Variants in DDX10 observed in about 807,000 individuals in gnomAD.
The protein encoded by DDX10 is probable ATP-dependent RNA helicase DDX10.
DDX10 carries 74 observed loss-of-function variants against 104.3 expected under a neutral mutation model. The ratio of observed to expected loss-of-function variants is 0.71; its 90% CI spans 0.59 to 0.86. The LOEUF (loss-of-function observed/expected upper bound fraction) is 0.86, where lower values mean the gene tolerates loss of function less well. Among genes scored for constraint, DDX10 ranks in the 40% least tolerant of loss-of-function variants. DDX10 has a pLI of 0.00. For missense variants in DDX10, 952 were observed against 1,040.0 expected, an observed-to-expected ratio of 0.92 and a Z score of 1.16; for synonymous variants, 351 against 353.4, an observed-to-expected ratio of 0.99 and a Z score of 0.08.
At chr11:108,814,194 C>A (rs1862224383) in intron 13 of DDX10, among the ~76,000 whole-genome samples, 1 of 152,148 alleles carries the variant, frequency 6.6e-6, no homozygotes. Context: ...ATGGCATAGA[C>A]ATAGGCTAAG....
chr11:108,775,402 C>T (rs964766680), intron 13 of DDX10, among the ~76,000 whole-genome samples: 3 of 152,078 alleles, frequency 2.0e-5, no homozygotes, highest in African/African-American at 4.8e-5. Flanking sequence ...GTGATATACC[C>T]GTCTGTTCAA....
intron 16 of DDX10, among the ~76,000 whole-genome samples, chr11:108,915,750 T>C (rs1417740958): frequency 6.6e-6 from 1 of 152,116 alleles, no homozygotes; most frequent in African/African-American, 2.4e-5. Flanking sequence ...CAACGTTTGT[T>C]ATGGAATGAA....
intron 13 of DDX10, among the ~76,000 whole-genome samples, chr11:108,738,621 C>T (rs759128322): frequency 6.6e-5 from 10 of 152,058 alleles, no homozygotes; most frequent in Non-Finnish European, 1.3e-4. Flanking sequence ...GTATGGCATA[C>T]CCAGTTACTC....
At chr11:108,823,933 G>A (rs1862360638) in intron 13 of DDX10, among the ~76,000 whole-genome samples, 1 of 152,188 alleles carries the variant, frequency 6.6e-6, no homozygotes, top group Non-Finnish European at 1.5e-5. Flanking sequence ...TTCTTGCTGA[G>A]TCTCTGGTAT....
At chr11:108,770,129 T>C (rs1384757711) in intron 13 of DDX10, among the ~76,000 whole-genome samples, 1 of 152,190 alleles carries the variant, frequency 6.6e-6, no homozygotes, top group Non-Finnish European at 1.5e-5. Context: ...GGAGTGTTTT[T>C]ATTTATTTAT....
intron 16 of DDX10, among the ~76,000 whole-genome samples, chr11:108,900,578 A>G (rs1034087888): frequency 2.6e-5 from 4 of 152,206 alleles, no homozygotes; most frequent in African/African-American, 9.7e-5. Context: ...TTAGTTATTA[A>G]TACCATTTTA....
intron 17 of DDX10, among the ~76,000 whole-genome samples, chr11:108,929,862 A>C (rs1015910286): frequency 2.0e-5 from 3 of 152,194 alleles, no homozygotes; most frequent in African/African-American, 4.8e-5. Context: ...CTTTCTGCCT[A>C]GGAATTTTAG....
chr11:108,936,433 G>C (rs1163395800), intron 17 of DDX10, among the ~76,000 whole-genome samples: 1 of 152,010 alleles, frequency 6.6e-6, no homozygotes, highest in East Asian at 1.9e-4. Flanking sequence ...TAGCTACCCA[G>C]AACTTCAAAT....
chr11:108,898,109 G>T (rs2134645801), intron 16 of DDX10, among the ~76,000 whole-genome samples: 1 of 152,240 alleles, frequency 6.6e-6, no homozygotes, highest in African/African-American at 2.4e-5. Context: ...TGTATATACA[G>T]TGCCTCCAGT....
At chr11:108,778,032 G>A (rs2094372453) in intron 13 of DDX10, among the ~76,000 whole-genome samples, 1 of 152,092 alleles carries the variant, frequency 6.6e-6, no homozygotes, top group South Asian at 2.1e-4. Flanking sequence ...CCACTGCTCA[G>A]CAAAATAAAA....
chr11:108,748,388 C>G (rs1565266545), intron 13 of DDX10, among the ~76,000 whole-genome samples: 1 of 152,194 alleles, frequency 6.6e-6, no homozygotes, highest in East Asian at 1.9e-4. Flanking sequence ...AATCAATAGA[C>G]ATTGAGACAT....
chr11:108,683,883 G>T (rs1466882877), intron 6 of DDX10, among the ~76,000 whole-genome samples: 1 of 152,064 alleles, frequency 6.6e-6, no homozygotes, highest in African/African-American at 2.4e-5. Flanking sequence ...TTGGTGGGGG[G>T]TGGAGGTTGT....
intron 16 of DDX10, among the ~76,000 whole-genome samples, chr11:108,856,497 A>T (rs1244866917): frequency 6.6e-6 from 1 of 151,832 alleles, no homozygotes; most frequent in African/African-American, 2.4e-5. Context: ...ACAAAAAAAA[A>T]ACCTTAAAAA....
intron 16 of DDX10, among the ~76,000 whole-genome samples, chr11:108,914,497 C>T (rs1277041439): frequency 1.3e-5 from 2 of 152,150 alleles, no homozygotes; most frequent in Non-Finnish European, 1.5e-5. Context: ...CAGATATAAG[C>T]AGCTCCTTAC....
chr11:108,874,190 G>A (rs896379081), intron 16 of DDX10, among the ~76,000 whole-genome samples: 25 of 152,146 alleles, frequency 1.6e-4, no homozygotes, highest in African/African-American at 2.4e-4. Flanking sequence ...AAAAAATACC[G>A]TGTGTGATGA....
At position 108,910,831 on chromosome 11, in the gene DDX10, TA is replaced by T. The variant is rs754951646; in HGVS notation, c.2305-7041del. 1.7e-4 allele frequency among the ~76,000 whole-genome samples: 25 copies of T among 149,440 alleles called. No individual in the cohort carries two copies. In the Middle Eastern group the frequency reaches 0.01, roughly 63 times the overall value. The stretch of plus-strand genomic sequence containing the variant: ...TCTGTGTGTGTCTGTATGAGGATGA[TA>T]GGGGGTTCTTGTTTTGAGCAGGCTG... On this transcript the variant is annotated intron_variant, in intron 16 of 17. Transcript: ENST00000322536.
chr11:108,697,399 T>C (rs1346136875), intron 9 of DDX10, among the ~76,000 whole-genome samples: 5 of 152,162 alleles, frequency 3.3e-5, no homozygotes, highest in East Asian at 1.9e-4. Flanking sequence ...AGTTGCCAGA[T>C]AGTGTTTGCT....
At chr11:108,771,409 G>C (rs1415426725) in intron 13 of DDX10, among the ~76,000 whole-genome samples, 1 of 151,844 alleles carries the variant, frequency 6.6e-6, no homozygotes, top group East Asian at 1.9e-4. Context: ...ACCCAGGCTG[G>C]AGTGCAGTGG....
At chr11:108,925,947 C>T (rs1820403) in intron 17 of DDX10, among the ~76,000 whole-genome samples, 136,792 of 152,124 alleles carry the variant, frequency 0.9, 61,979 homozygotes, top group East Asian at 0.96. Context: ...CTGTAAAACT[C>T]CATTTTGTCA....
Sources: allele counts gnomAD v4.1 joint callset (sites outside exome capture counted in the v4.1 genomes callset), GRCh38; gene constraint gnomAD v4.1.1; transcripts MANE v1.5; gene names NCBI Gene and HGNC (gene_info 2026-07-23, HGNC 2026-07-21).